COX7A2L: variants seen among roughly 807,000 people sequenced by gnomAD.
COX7A2L encodes the protein cytochrome c oxidase subunit 7A2 like.
Under a neutral mutation model 14.2 loss-of-function variants are expected in COX7A2L, and 18 were observed. That is an observed-to-expected ratio of 1.27 (90% confidence interval 0.88 to 1.88). The LOEUF is 1.88. COX7A2L is among the 40% of genes most tolerant of loss of function. The pLI, the probability that COX7A2L is intolerant of heterozygous loss-of-function variation, is 0.00. For missense variants in COX7A2L, 179 were observed against 138.8 expected (o/e 1.29, Z -1.46); for synonymous variants, 65 against 57.4 (o/e 1.13, Z -0.60).
intron 1 of COX7A2L, among the ~76,000 whole-genome samples, chr2:42,354,867 C>A (rs1163664832): frequency 6.6e-6 from 1 of 152,216 alleles, no homozygotes; most frequent in Admixed American, 6.5e-5. Context: ...ATCTATTTAA[C>A]CCTTGTGAAG....
Position 42,350,198 on chromosome 2 carries a change from C to T in COX7A2L, c.*1021G>A, listed in dbSNP as rs1365453431. Reference sequence around the variant, plus strand: ...TATTCCTTCATATATAATAAAATTCCACCTTTTTTCAAAATTAATATAGGG... The same window carrying T: ...TATTCCTTCATATATAATAAAATTCTACCTTTTTTCAAAATTAATATAGGG... On this transcript the variant is annotated 3_prime_UTR_variant, in exon 3 of 3. Coordinates refer to ENST00000234301, the MANE Select transcript of COX7A2L (RefSeq NM_004718.4). 6.6e-6 allele frequency: 1 copy of T among 152,082 alleles called. No individual in the cohort carries two copies. The highest frequency in any genetic ancestry group is 1.5e-5 in the Non-Finnish European group (1 of 68,028). The allele number at this position is 152,082 out of a possible 1,614,324, so 9.4% of individuals were successfully genotyped here. A position where few individuals can be genotyped will look rare whatever the true frequency, so the allele number is the denominator to read the frequency against.
chr2:42,357,053 C>T (rs1670843429), intron 1 of COX7A2L, among the ~76,000 whole-genome samples: 1 of 152,194 alleles, frequency 6.6e-6, no homozygotes, highest in Non-Finnish European at 1.5e-5. Context: ...ACCTTAACCA[C>T]GTTTAGTAAT....
intron 1 of COX7A2L, among the ~76,000 whole-genome samples, chr2:42,358,085 C>G (rs775077191): frequency 6.6e-6 from 1 of 152,202 alleles, no homozygotes; most frequent in Non-Finnish European, 1.5e-5. Context: ...TCCAAAGTGG[C>G]TGCGTCATTT....
intron 2 of COX7A2L, among the ~76,000 whole-genome samples, chr2:42,343,010 C>T (rs1272602273): frequency 1.3e-5 from 2 of 152,132 alleles, no homozygotes; most frequent in Non-Finnish European, 2.9e-5. Context: ...TGCAAGTGAT[C>T]GTCCCACTCC....
rs111565073 is a variant in COX7A2L, at chr2:42,361,175, C to T, written c.-14G>A. 1.6e-5 allele frequency: 26 copies of T among 1,599,720 alleles called. No homozygotes were observed. Among genetic ancestry groups the T allele is most frequent in the Non-Finnish European group, 2.1e-5 (25 of 1,171,440 alleles). The stretch of plus-strand genomic sequence containing the variant: ...CTTGTAGTACATGACGCCCAGAGTC[C>T]GGCTTCCCGCATCCGCTGCCAACGC... On this transcript the variant is annotated 5_prime_UTR_variant, in exon 1 of 3. Transcript: ENST00000234301.
chr2:42,358,553 C>G (rs942719876), intron 1 of COX7A2L, among the ~76,000 whole-genome samples: 2 of 152,206 alleles, frequency 1.3e-5, no homozygotes, highest in Non-Finnish European at 2.9e-5. Flanking sequence ...GGGAGGGCAC[C>G]TGTCACAATC....
upstream of COX7A2L, among the ~76,000 whole-genome samples, chr2:42,364,067 G>C (rs1436573561): frequency 6.6e-6 from 1 of 152,094 alleles, no homozygotes; most frequent in African/African-American, 2.4e-5. Context: ...TTTTTTCCAA[G>C]CTGACTTTTA....
intron 2 of COX7A2L, among the ~76,000 whole-genome samples, chr2:42,343,181 A>G (rs1670433532): frequency 6.6e-6 from 1 of 151,814 alleles, no homozygotes; most frequent in South Asian, 2.1e-4. Context: ...ATTTCCCTCC[A>G]CCACACCCAC....
intron 1 of COX7A2L, 122 bp downstream of exon 1, chr2:42,360,968 G>A: frequency 1.0e-6 from 1 of 1,000,538 alleles, no homozygotes; most frequent in Non-Finnish European, 1.5e-6. Flanking sequence ...GGAGGTGCAA[G>A]GAGAACAGAG....
intron 1 of COX7A2L, among the ~76,000 whole-genome samples, chr2:42,368,022 G>A (rs1671201403): frequency 6.6e-6 from 1 of 152,192 alleles, no homozygotes; most frequent in African/African-American, 2.4e-5. Flanking sequence ...CTCCCCCTGG[G>A]AAGAAGCAAG....
chr2:42,358,692 G>A (rs1200152224), intron 1 of COX7A2L, among the ~76,000 whole-genome samples: 1 of 152,198 alleles, frequency 6.6e-6, no homozygotes, highest in African/African-American at 2.4e-5. Flanking sequence ...AGAGGTACTA[G>A]AAATCTGAAA....
intron 2 of COX7A2L, among the ~76,000 whole-genome samples, chr2:42,337,793 G>A (rs1670314341): frequency 6.6e-6 from 1 of 152,148 alleles, no homozygotes; most frequent in South Asian, 2.1e-4. Context: ...GCTTTTGAAG[G>A]GAATATGGAG....
Position 42,349,802 on chromosome 2 carries a change from G to A in COX7A2L, c.*1417C>T, listed in dbSNP as rs1244006061. 1 of 152,166 alleles carries A rather than the reference G, an allele frequency of 6.6e-6. No homozygotes were observed. The highest frequency in any genetic ancestry group is 6.5e-5 in the Admixed American group (1 of 15,274). The allele number at this position is 152,166 out of a possible 1,614,324, so 9.4% of individuals were successfully genotyped here. On this transcript the variant is annotated 3_prime_UTR_variant, in exon 3 of 3. Coordinates refer to ENST00000234301, the MANE Select transcript of COX7A2L (RefSeq NM_004718.4). ...CCTTACTCAGAAGATACCTGCTAAA[G>A]TACTATGGCTGATTTATCATAATTC...
chr2:42,366,132 A>G (rs1263475408), upstream of COX7A2L, among the ~76,000 whole-genome samples: 1 of 152,178 alleles, frequency 6.6e-6, no homozygotes, highest in Non-Finnish European at 1.5e-5. Context: ...TCTATTCAGT[A>G]ACAAAACAAG....
downstream of COX7A2L, among the ~76,000 whole-genome samples, chr2:42,344,600 C>A (rs1206926280): frequency 6.6e-6 from 1 of 152,166 alleles, no homozygotes; most frequent in East Asian, 1.9e-4. Context: ...CGCCTGTAGT[C>A]CCAGCAGTTT....
chr2:42,343,272 G>A (rs1008152300), intron 2 of COX7A2L, among the ~76,000 whole-genome samples: 4 of 152,202 alleles, frequency 2.6e-5, no homozygotes, highest in African/African-American at 9.7e-5. Context: ...GATAACTGCA[G>A]AATTCCTCAA....
intron 2 of COX7A2L, among the ~76,000 whole-genome samples, chr2:42,337,752 T>C (rs1402963955): frequency 6.6e-6 from 1 of 152,186 alleles, no homozygotes; most frequent in African/African-American, 2.4e-5. Context: ...AATATGTACA[T>C]ACTGACATAG....
intron 1 of COX7A2L, among the ~76,000 whole-genome samples, chr2:42,358,540 G>A (rs973391428): frequency 6.6e-6 from 1 of 152,236 alleles, no homozygotes; most frequent in Non-Finnish European, 1.5e-5. Context: ...AGAGCACCTA[G>A]TTGGGAGGGC....
chr2:42,336,614 C>A (rs768217399), intron 2 of COX7A2L, among the ~76,000 whole-genome samples: 2 of 152,146 alleles, frequency 1.3e-5, no homozygotes, highest in Non-Finnish European at 2.9e-5. Flanking sequence ...AACAGTGATG[C>A]CCGTTTGGCT....
Sources: allele counts gnomAD v4.1 joint callset (sites outside exome capture counted in the v4.1 genomes callset), GRCh38; gene constraint gnomAD v4.1.1; transcripts MANE v1.5; gene names NCBI Gene and HGNC (gene_info 2026-07-23, HGNC 2026-07-21).